Variants in WDR25 observed in about 807,000 individuals in gnomAD.
The protein encoded by WDR25 is WD repeat domain 25, also known as WD repeat-containing protein 25.
In WDR25, 35 loss-of-function variants were observed where a neutral mutation model predicts 47.7. That is an observed-to-expected ratio of 0.73 (90% CI 0.56 to 0.97). WDR25 has a LOEUF of 0.97. WDR25 is among the 50% of genes least tolerant of loss of function. The pLI is 0.00. For missense variants in WDR25, 634 were observed against 704.7 expected (o/e 0.90, Z 1.14); for synonymous variants, 248 against 278.9 (o/e 0.89, Z 1.10).
rs1898949662 is a variant in WDR25, at chr14:100,449,414, A to T, written c.823-18607A>T. Among the ~76,000 whole-genome samples the T allele has an allele frequency of 6.6e-6, 1 of 152,198 alleles. No homozygotes were observed. The highest frequency in any genetic ancestry group is 2.1e-4 in the South Asian group (1 of 4,834). On this transcript the variant is annotated intron_variant, in intron 2 of 6. Transcript: ENST00000402312. This position sits in a 1 kb window ranked among gnomAD's most constrained non-coding sequence, Gnocchi z 4.2. ...GTGGCGGTTGCCATGGCAGCAGGAC[A>T]TGAGCAACCTGACTTTCTGAGAGTG...
chr14:100,417,188 A>T (rs545405501), intron 2 of WDR25, among the ~76,000 whole-genome samples: 1 of 152,214 alleles, frequency 6.6e-6, no homozygotes, highest in South Asian at 2.1e-4. Context: ...TGGCATGGCC[A>T]GAGTCCTCCG....
chr14:100,380,987 G>T lies in WDR25; in HGVS notation c.63G>T (p.Glu21Asp). ...SLVAYDDSDS[E>D]AETEHAGSFN... ...TAGCGTATGATGATTCGGACTCGGAGGCTGAGACAGAGCATGCAGGAAGTT... is the reference window on the plus strand; with the variant it reads ...TAGCGTATGATGATTCGGACTCGGATGCTGAGACAGAGCATGCAGGAAGTT... The change falls in exon 2 of 7, where the codon GAG becomes GAT. Residue 21 changes from glutamate to aspartate, a missense_variant. Physicochemically the swap from Glu to Asp is conservative, Grantham distance 45 (BLOSUM62 2). Coordinates refer to ENST00000402312, the MANE Select transcript of WDR25 (RefSeq NM_001161476.3). 1 of 1,614,214 alleles carries T rather than the reference G, an allele frequency of 6.2e-7. No homozygotes were observed. Among genetic ancestry groups the T allele is most frequent in the East Asian group, 2.2e-5 (1 of 44,884 alleles).
intron 2 of WDR25, among the ~76,000 whole-genome samples, chr14:100,426,696 G>A (rs1043160584): frequency 7.9e-5 from 12 of 152,158 alleles, no homozygotes; most frequent in Non-Finnish European, 1.3e-4. Context: ...CCCAGAGTCC[G>A]GCTATCCATC....
chr14:100,432,108 T>C (rs1487007154), intron 2 of WDR25, among the ~76,000 whole-genome samples: 1 of 152,200 alleles, frequency 6.6e-6, no homozygotes, highest in African/African-American at 2.4e-5. Flanking sequence ...TACATCCCAG[T>C]TTCAGCATCA....
At chr14:100,519,863 CT>C (rs894512023) in intron 4 of WDR25, among the ~76,000 whole-genome samples, 3 of 132,282 alleles carry the variant, frequency 2.3e-5, no homozygotes, top group Non-Finnish European at 3.1e-5. Flanking sequence ...TATATATATA[CT>C]ATATATACAC....
At chr14:100,383,183 C>G (rs1430026079) in intron 2 of WDR25, among the ~76,000 whole-genome samples, 1 of 152,196 alleles carries the variant, frequency 6.6e-6, no homozygotes, top group Admixed American at 6.5e-5. Context: ...TCTAGCAAGA[C>G]TCAGAGTCCT....
rs866638569 is a variant in WDR25, at chr14:100,430,836, C to G, written c.823-37185C>G. 1.3e-5 allele frequency among the ~76,000 whole-genome samples: 2 copies of G among 152,206 alleles called. No individual in the cohort carries two copies. Among genetic ancestry groups the G allele is most frequent in the Non-Finnish European group, 2.9e-5 (2 of 68,040 alleles). On this transcript the variant is annotated intron_variant, in intron 2 of 6. Transcript: ENST00000402312. This position sits in a 1 kb window ranked among gnomAD's most constrained non-coding sequence, Gnocchi z 4.7. ...ACATTTCTGGCTGTCGAGAAGGGGC[C>G]TAAGAGGTGCCCACTCCCCTCCTTG...
chr14:100,388,922 C>T (rs1041602335), intron 2 of WDR25, among the ~76,000 whole-genome samples: 2 of 152,328 alleles, frequency 1.3e-5, no homozygotes, highest in Middle Eastern at 3.4e-3. Flanking sequence ...ACTCTCATCC[C>T]ATGTCATTAA....
intron 4 of WDR25, among the ~76,000 whole-genome samples, chr14:100,512,551 A>G (rs142982101): frequency 6.0e-4 from 91 of 151,986 alleles, no homozygotes; most frequent in African/African-American, 2.0e-3. Flanking sequence ...TTTTCATTTT[A>G]TTGTCTTTTA....
chr14:100,478,793 C>T (rs946305848), intron 3 of WDR25, among the ~76,000 whole-genome samples: 1 of 152,294 alleles, frequency 6.6e-6, no homozygotes, highest in East Asian at 1.9e-4. Context: ...CACATTTTCT[C>T]TCATCTTTCT....
intron 1 of WDR25, among the ~76,000 whole-genome samples, chr14:100,377,637 T>C (rs758990807): frequency 5.9e-5 from 9 of 151,996 alleles, no homozygotes; most frequent in Non-Finnish European, 1.0e-4. Flanking sequence ...GCTTTGCGTG[T>C]GGAAGTTGTT....
intron 2 of WDR25, among the ~76,000 whole-genome samples, chr14:100,461,019 C>T (rs954882275): frequency 3.3e-5 from 5 of 152,106 alleles, no homozygotes; most frequent in African/African-American, 2.4e-5. Flanking sequence ...TTGAGACCAG[C>T]TTGGGCAACA....
At chr14:100,384,529 T>C (rs1406515453) in intron 2 of WDR25, among the ~76,000 whole-genome samples, 1 of 152,174 alleles carries the variant, frequency 6.6e-6, no homozygotes, top group African/African-American at 2.4e-5. Flanking sequence ...CACATGGTGT[T>C]CTTTTCCCTC....
intron 2 of WDR25, among the ~76,000 whole-genome samples, chr14:100,462,658 G>A (rs1470187416): frequency 1.3e-5 from 2 of 152,192 alleles, no homozygotes. Context: ...GCTGATTTGG[G>A]AGTTCCCCTG....
chr14:100,479,759 G>C (rs567419698), intron 3 of WDR25, among the ~76,000 whole-genome samples: 7 of 152,078 alleles, frequency 4.6e-5, no homozygotes, highest in Non-Finnish European at 8.8e-5. Flanking sequence ...AGCCTGTTAG[G>C]AACCAGACCA....
chr14:100,470,308 C>T (rs956572357), intron 3 of WDR25, among the ~76,000 whole-genome samples: 18 of 152,268 alleles, frequency 1.2e-4, no homozygotes, highest in Non-Finnish European at 2.1e-4. Context: ...GGAGGGGAAA[C>T]CCCAGCCTGT....
rs138897312 is a variant in WDR25, at chr14:100,446,862, T to G, written c.823-21159T>G. Among the ~76,000 whole-genome samples the G allele has an allele frequency of 1.6e-3, 242 of 152,302 alleles. 1 individual carries two copies. Among genetic ancestry groups the G allele is most frequent in the African/African-American group, 5.4e-3 (223 of 41,580 alleles). On this transcript the variant is annotated intron_variant, in intron 2 of 6. Coordinates refer to ENST00000402312, the MANE Select transcript of WDR25 (RefSeq NM_001161476.3). ...CTTGCTGCTGTCAGCACCGCATGGA[T>G]GCAGGGATTCCTGGCTGTTAGTTAC...
rs980540729 is a variant in WDR25 at position 100,404,095 on chromosome 14, G to A, written c.822+22349G>A. 1.3e-5 allele frequency among the ~76,000 whole-genome samples: 2 copies of A among 152,220 alleles called. No homozygotes were observed. The highest frequency in any genetic ancestry group is 2.9e-5 in the Non-Finnish European group (2 of 68,046). ...TGACATTCACTTTTGGTAGCAATTAGAACTCCCATTTGCTGAGATCCTACC... is the reference window on the plus strand; with the variant it reads ...TGACATTCACTTTTGGTAGCAATTAAAACTCCCATTTGCTGAGATCCTACC... On this transcript the variant is annotated intron_variant, in intron 2 of 6. Coordinates refer to ENST00000402312, the MANE Select transcript of WDR25 (RefSeq NM_001161476.3). This position sits in a 1 kb window ranked among gnomAD's most constrained non-coding sequence, Gnocchi z 4.6.
intron 4 of WDR25, among the ~76,000 whole-genome samples, chr14:100,509,807 T>G (rs934596755): frequency 1.3e-5 from 2 of 152,214 alleles, no homozygotes; most frequent in Non-Finnish European, 2.9e-5. Flanking sequence ...GGTACAGGTA[T>G]GGATGTAGTT....
Sources: allele counts gnomAD v4.1 joint callset (sites outside exome capture counted in the v4.1 genomes callset), GRCh38; gene constraint gnomAD v4.1.1; non-coding constraint Gnocchi (gnomAD v3.1); transcripts MANE v1.5; gene names NCBI Gene and HGNC (gene_info 2026-07-23, HGNC 2026-07-21).